The following CACNA1E variants were observed in gnomAD, a reference collection of about 807,000 sequenced individuals.
CACNA1E encodes the protein voltage-dependent R-type calcium channel subunit alpha-1E.
A neutral mutation model predicts 259.2 loss-of-function variants in CACNA1E; 40 were observed. The ratio of observed to expected loss-of-function variants is 0.15; its 90% CI spans 0.12 to 0.20. The LOEUF is 0.20. Among genes scored for constraint, CACNA1E ranks in the 10% least tolerant of loss-of-function variants. The pLI, the probability that CACNA1E is intolerant of heterozygous loss-of-function variation, is 1.00. For missense variants in CACNA1E, 1,874 were observed against 3,040.1 expected, an observed-to-expected ratio of 0.62 and a Z score of 9.02; for synonymous variants, 1,104 against 1,138.5, an observed-to-expected ratio of 0.97 and a Z score of 0.61.
At chr1:181,670,130 G>C (rs1253655134) in intron 7 of CACNA1E, among the ~76,000 whole-genome samples, 1 of 152,164 alleles carries the variant, frequency 6.6e-6, no homozygotes, top group Non-Finnish European at 1.5e-5. Context: ...ATGGAAATTT[G>C]TAATAACATT....
intron 7 of CACNA1E, among the ~76,000 whole-genome samples, chr1:181,671,854 C>G (rs1402007557): frequency 1.3e-5 from 2 of 152,240 alleles, no homozygotes; most frequent in African/African-American, 2.4e-5. Flanking sequence ...AAAAGCAGAA[C>G]TACCATTTGA....
At chr1:181,570,659 G>A (rs895685661) in intron 3 of CACNA1E, among the ~76,000 whole-genome samples, 4 of 152,076 alleles carry the variant, frequency 2.6e-5, no homozygotes, top group Non-Finnish European at 4.4e-5. Flanking sequence ...GTGTTCTTTG[G>A]CCCTTGGGCC....
intron 6 of CACNA1E, among the ~76,000 whole-genome samples, chr1:181,629,020 G>T (rs560630159): frequency 6.6e-6 from 1 of 152,318 alleles, no homozygotes; most frequent in South Asian, 2.1e-4. Flanking sequence ...AACAATTACC[G>T]TAGGAAATGG....
At chr1:181,796,566 C>A in intron 46 of CACNA1E, 102 bp from the exon 47 acceptor site, 1 of 850,608 alleles carries the variant, frequency 1.2e-6, no homozygotes. Flanking sequence ...CCTCTGAGGG[C>A]CCAACCCCAG....
At chr1:181,735,476 C>T (rs540850725) in intron 21 of CACNA1E, among the ~76,000 whole-genome samples, 5 of 152,240 alleles carry the variant, frequency 3.3e-5, no homozygotes, top group South Asian at 2.1e-4. Context: ...GAGCAGTGGG[C>T]GAGGGTGACT....
At chr1:181,404,382 C>T (rs966589803) in intron 1 of CACNA1E, among the ~76,000 whole-genome samples, 2 of 152,168 alleles carry the variant, frequency 1.3e-5, no homozygotes, top group African/African-American at 4.8e-5. Flanking sequence ...TTGCCAACAT[C>T]GTGCTCAGTA....
intron 3 of CACNA1E, among the ~76,000 whole-genome samples, chr1:181,538,149 C>T (rs1016529471): frequency 2.0e-5 from 3 of 152,128 alleles, no homozygotes; most frequent in Admixed American, 6.5e-5. Flanking sequence ...CCTACCAGCT[C>T]AATATTTAAA....
At chr1:181,739,645 A>G (rs1409699715) in intron 25 of CACNA1E, among the ~76,000 whole-genome samples, 1 of 152,232 alleles carries the variant, frequency 6.6e-6, no homozygotes, top group African/African-American at 2.4e-5. Flanking sequence ...CTTGAAAGAA[A>G]GATGCAGAGG....
chr1:181,358,001 G>A (rs546682000), intron 1 of CACNA1E, among the ~76,000 whole-genome samples: 4 of 152,256 alleles, frequency 2.6e-5, no homozygotes, highest in South Asian at 2.1e-4. Context: ...CTGGTGGAGC[G>A]TTCTGTCTGT....
intron 7 of CACNA1E, among the ~76,000 whole-genome samples, chr1:181,663,151 A>G (rs776109154): frequency 9.9e-5 from 15 of 152,228 alleles, no homozygotes; most frequent in Non-Finnish European, 1.8e-4. Flanking sequence ...TGGAATTGTT[A>G]TATAATTTAA....
upstream of CACNA1E, among the ~76,000 whole-genome samples, chr1:181,482,861 G>A (rs1663408184): frequency 1.3e-5 from 2 of 152,274 alleles, no homozygotes; most frequent in South Asian, 2.1e-4. Context: ...CGCAGCCGCG[G>A]ATCGCTGTTG....
At chr1:181,787,638 C>A (rs1308182590) in intron 43 of CACNA1E, among the ~76,000 whole-genome samples, 1 of 152,114 alleles carries the variant, frequency 6.6e-6, no homozygotes, top group African/African-American at 2.4e-5. Context: ...CCCATGGAGA[C>A]AAATCTGGAA....
chr1:181,371,534 A>G (rs1374540862), intron 1 of CACNA1E, among the ~76,000 whole-genome samples: 1 of 152,178 alleles, frequency 6.6e-6, no homozygotes, highest in East Asian at 1.9e-4. Context: ...GGCCTCCCAA[A>G]GTGCTGGGAT....
intron 44 of CACNA1E, among the ~76,000 whole-genome samples, chr1:181,791,996 G>T (rs942463930): frequency 6.6e-6 from 1 of 152,146 alleles, no homozygotes; most frequent in Non-Finnish European, 1.5e-5. Context: ...TAGTCCAGAC[G>T]CCCCCAGGGC....
intron 6 of CACNA1E, among the ~76,000 whole-genome samples, chr1:181,650,061 CTGAT>C (rs1344581897): frequency 6.6e-6 from 1 of 152,152 alleles, no homozygotes; most frequent in Non-Finnish European, 1.5e-5. Flanking sequence ...GCTTCCATGA[CTGAT>C]AAGAGGCTAT....
intron 1 of CACNA1E, among the ~76,000 whole-genome samples, chr1:181,355,013 C>T (rs1378417723): frequency 2.0e-5 from 3 of 152,192 alleles, no homozygotes; most frequent in Non-Finnish European, 4.4e-5. Flanking sequence ...GTGCCTGCCC[C>T]ACAAGGAAAG....
intron 1 of CACNA1E, among the ~76,000 whole-genome samples, chr1:181,500,779 G>A (rs1303798142): frequency 6.6e-6 from 1 of 152,200 alleles, no homozygotes; most frequent in Non-Finnish European, 1.5e-5. Flanking sequence ...GGCTCAGTAG[G>A]TGTCTTTGAA....
At chr1:181,683,123 C>T (rs946153669) in intron 7 of CACNA1E, among the ~76,000 whole-genome samples, 13 of 152,196 alleles carry the variant, frequency 8.5e-5, no homozygotes, top group African/African-American at 2.9e-4. Context: ...ACTTGTCTGG[C>T]TCCTTGGTAG....
rs1571981561 is a variant in CACNA1E, at chr1:181,483,936, C to T, written c.192C>T (p.Thr64=). ...NPIPVRQNCF[T]VNRSLFIFGE... Reference sequence around the variant, plus strand: ...TTCCCGTCCGGCAGAACTGTTTCACCGTCAACAGATCCCTGTTCATCTTCG... The same window carrying T: ...TTCCCGTCCGGCAGAACTGTTTCACTGTCAACAGATCCCTGTTCATCTTCG... The change falls in exon 1 of 48, where the codon ACC becomes ACT. Residue 64 remains threonine (T), a synonymous_variant. Coordinates refer to ENST00000367573, the MANE Select transcript of CACNA1E (RefSeq NM_001205293.3). 6.2e-7 allele frequency: 1 copy of T among 1,613,480 alleles called. No homozygotes were observed. Among genetic ancestry groups the T allele is most frequent in the African/African-American group, 1.3e-5 (1 of 74,974 alleles).
Sources: allele counts gnomAD v4.1 joint callset (sites outside exome capture counted in the v4.1 genomes callset), GRCh38; gene constraint gnomAD v4.1.1; transcripts MANE v1.5; gene names NCBI Gene and HGNC (gene_info 2026-07-23, HGNC 2026-07-21).